Variants in MOSMO observed in about 807,000 individuals in gnomAD.
MOSMO encodes the protein modulator of smoothened.
In MOSMO, 5 loss-of-function variants were observed where a neutral mutation model predicts 18.4. The ratio of observed to expected loss-of-function variants is 0.27; its 90% CI spans 0.14 to 0.57. The LOEUF (loss-of-function observed/expected upper bound fraction) is 0.57, where lower values mean the gene tolerates loss of function less well. Ranked by LOEUF, MOSMO falls within the 20% of genes least tolerant of loss-of-function variation. The pLI is 0.92. For missense variants in MOSMO, 138 were observed against 211.8 expected (o/e 0.65, Z 2.16); for synonymous variants, 82 against 82.3 (o/e 1.00, Z 0.02).
intron 1 of MOSMO, among the ~76,000 whole-genome samples, chr16:22,041,680 A>T (rs1900212306): frequency 1.4e-5 from 2 of 147,492 alleles, no homozygotes; most frequent in African/African-American, 5.0e-5. Flanking sequence ...TTTAACTTTA[A>T]TTTTTTTTTT....
At chr16:22,091,218 C>A (rs987933468), downstream of MOSMO, among the ~76,000 whole-genome samples, 4 of 152,148 alleles carry the variant, frequency 2.6e-5, no homozygotes, top group Non-Finnish European at 5.9e-5. Context: ...GGCCACATAA[C>A]AAATGCTGTG....
At chr16:22,058,472 G>T (rs1900582156) in intron 1 of MOSMO, among the ~76,000 whole-genome samples, 1 of 151,426 alleles carries the variant, frequency 6.6e-6, no homozygotes, top group Non-Finnish European at 1.5e-5. Context: ...GCAGTATGAA[G>T]AAGAAAGGAT....
intron 2 of MOSMO, among the ~76,000 whole-genome samples, 161 bp from the exon 3 acceptor site, chr16:22,080,535 G>T (rs999169024): frequency 2.6e-5 from 4 of 152,174 alleles, no homozygotes; most frequent in African/African-American, 9.7e-5. Context: ...AGGCTTCAGG[G>T]ATACTATGTG....
intron 1 of MOSMO, among the ~76,000 whole-genome samples, chr16:22,073,229 C>CA (rs201792927): frequency 0.022 from 3,314 of 151,696 alleles, 58 homozygotes; most frequent in Non-Finnish European, 0.031. Context: ...TGTTTACCAG[C>CA]AAAAAAAATC....
downstream of MOSMO, chr16:22,089,937 C>A (rs1272211995): frequency 6.6e-6 from 1 of 151,656 alleles, no homozygotes; most frequent in African/African-American, 2.4e-5. Context: ...TTTGGCTTTC[C>A]TGAGAGGCAT....
intron 1 of MOSMO, among the ~76,000 whole-genome samples, chr16:22,062,593 C>T (rs967189779): frequency 6.6e-6 from 1 of 152,166 alleles, no homozygotes; most frequent in Non-Finnish European, 1.5e-5. Flanking sequence ...GCTGGGATTA[C>T]AGATGTGAGC....
chr16:22,024,349 C>T (rs997315313), intron 1 of MOSMO, among the ~76,000 whole-genome samples: 1 of 151,362 alleles, frequency 6.6e-6, no homozygotes, highest in Non-Finnish European at 1.5e-5. Context: ...TAGTCTACAG[C>T]AGTTGATTAT....
intron 1 of MOSMO, among the ~76,000 whole-genome samples, chr16:22,018,369 A>C (rs949810243): frequency 6.6e-6 from 1 of 152,202 alleles, no homozygotes; most frequent in East Asian, 1.9e-4. Flanking sequence ...AGTTCTTTTC[A>C]AAAATAGGCC....
intron 1 of MOSMO, among the ~76,000 whole-genome samples, chr16:22,068,282 T>C (rs923097027): frequency 8.5e-5 from 13 of 152,200 alleles, no homozygotes; most frequent in African/African-American, 3.1e-4. Flanking sequence ...TGGAGTAAAG[T>C]TTCCGTATGC....
At chr16:22,032,956 G>A (rs1382765239) in intron 1 of MOSMO, among the ~76,000 whole-genome samples, 1 of 152,118 alleles carries the variant, frequency 6.6e-6, no homozygotes, top group Non-Finnish European at 1.5e-5. Context: ...TTTCCCAATT[G>A]AATAGTCATG....
chr16:22,012,820 A>G (rs1256128948), intron 1 of MOSMO, among the ~76,000 whole-genome samples: 1 of 151,586 alleles, frequency 6.6e-6, no homozygotes, highest in East Asian at 1.9e-4. Flanking sequence ...CATACTTTGG[A>G]CAGCAGAGTT....
intron 1 of MOSMO, among the ~76,000 whole-genome samples, chr16:22,042,437 A>G (rs557142636): frequency 3.9e-5 from 6 of 152,336 alleles, no homozygotes; most frequent in African/African-American, 1.2e-4. Flanking sequence ...ACTTCCTACA[A>G]TAATGAACTT....
chr16:22,015,155 C>T (rs534025414), intron 1 of MOSMO, among the ~76,000 whole-genome samples: 2 of 152,238 alleles, frequency 1.3e-5, no homozygotes, highest in South Asian at 4.1e-4. Context: ...TGTTGATTTG[C>T]CTATTCTGGA....
chr16:22,022,649 T>C (rs1050363975), intron 1 of MOSMO, among the ~76,000 whole-genome samples: 1 of 152,140 alleles, frequency 6.6e-6, no homozygotes, highest in African/African-American at 2.4e-5. Context: ...TTGAGGTTAG[T>C]CACTATCATG....
intron 1 of MOSMO, among the ~76,000 whole-genome samples, chr16:22,033,128 A>G (rs1389556246): frequency 6.6e-6 from 1 of 152,130 alleles, no homozygotes; most frequent in African/African-American, 2.4e-5. Context: ...TGAATCCTCC[A>G]ACTTTTCTCT....
chr16:22,034,774 T>A (rs1430096487), intron 1 of MOSMO, among the ~76,000 whole-genome samples: 12 of 121,084 alleles, frequency 9.9e-5, no homozygotes, highest in Middle Eastern at 4.3e-3. Context: ...TTTTTTTTTT[T>A]AAAGACAGGG....
chr16:22,074,825 C>T (rs549941189), intron 1 of MOSMO, among the ~76,000 whole-genome samples: 1 of 152,308 alleles, frequency 6.6e-6, no homozygotes, highest in African/African-American at 2.4e-5. Context: ...AGTGTGAACA[C>T]TTGTAAACTC....
chr16:22,068,335 T>C (rs1298833081), intron 1 of MOSMO, among the ~76,000 whole-genome samples: 1 of 152,210 alleles, frequency 6.6e-6, no homozygotes, highest in East Asian at 1.9e-4. Context: ...TGGATTTCTT[T>C]TGAGGTAATA....
chr16:22,022,446 G>C (rs1278165662), intron 1 of MOSMO, among the ~76,000 whole-genome samples: 1 of 152,182 alleles, frequency 6.6e-6, no homozygotes, highest in Non-Finnish European at 1.5e-5. Context: ...TGCAGGTGCT[G>C]TGCTGCATAT....
Sources: gnomAD v4.1 joint callset for allele counts (sites outside exome capture counted in the v4.1 genomes callset) on GRCh38, gnomAD v4.1.1 for gene constraint, MANE v1.5 for transcripts, NCBI Gene and HGNC (gene_info 2026-07-23, HGNC 2026-07-21) for gene names.